CAMSAP1: variants seen among roughly 807,000 people sequenced by gnomAD.
CAMSAP1 encodes the protein calmodulin regulated spectrin associated protein 1.
In CAMSAP1, 58 loss-of-function variants were observed where a neutral mutation model predicts 143.5. That is an observed-to-expected ratio of 0.40 (90% confidence interval 0.33 to 0.50). The LOEUF is 0.50. CAMSAP1 is among the 20% of genes least tolerant of loss of function. CAMSAP1 has a pLI of 0.45. For missense variants in CAMSAP1, 1,969 were observed against 2,115.7 expected, an observed-to-expected ratio of 0.93 and a Z score of 1.36; for synonymous variants, 945 against 859.3, an observed-to-expected ratio of 1.10 and a Z score of -1.74.
At chr9:135,874,478 A>AAAG (rs534724683) in intron 3 of CAMSAP1, among the ~76,000 whole-genome samples, 9 of 98,248 alleles carry the variant, frequency 9.2e-5, no homozygotes, top group African/African-American at 3.8e-4. Flanking sequence ...GTCTCAAAAA[A>AAAG]GGGGGGGGGG....
rs916230911 is a variant in CAMSAP1, at chr9:135,907,431, G to GGCGGGC, written c.-278_-273dup. On this transcript the variant is annotated 5_prime_UTR_variant, in exon 1 of 17. Transcript: ENST00000389532. ...CAGGAGGGCGCGGGCCGGGGGCGGG[G>GGCGGGC]GCGGGCGCGGGGGCGGGAGCGGGCC... Among the ~76,000 whole-genome samples, 1 of 146,232 alleles carries GGCGGGC rather than the reference G, an allele frequency of 6.8e-6. No homozygotes were observed. The highest frequency in any genetic ancestry group is 2.1e-4 in the South Asian group (1 of 4,806).
At chr9:135,823,867 A>AG in intron 10 of CAMSAP1, 83 bp downstream of exon 10, 1 of 1,049,744 alleles carries the variant, frequency 9.5e-7, no homozygotes. Flanking sequence ...GGTGATCCTC[A>AG]GGGGGTTGGG....
At chr9:135,878,519 C>G (rs1837827109) in intron 3 of CAMSAP1, among the ~76,000 whole-genome samples, 1 of 152,200 alleles carries the variant, frequency 6.6e-6, no homozygotes, top group South Asian at 2.1e-4. Context: ...AGAATTGATG[C>G]TGGAGAAAAA....
At chr9:135,843,455 G>A (rs1265484206) in intron 7 of CAMSAP1, among the ~76,000 whole-genome samples, 1 of 152,114 alleles carries the variant, frequency 6.6e-6, no homozygotes, top group Admixed American at 6.5e-5. Flanking sequence ...CATTTACCAA[G>A]CAAATGGAAA....
chr9:135,849,878 C>A, intron 7 of CAMSAP1: 3 of 305,976 alleles, frequency 9.8e-6, no homozygotes, highest in Non-Finnish European at 1.2e-5. Context: ...TCAGTTTGTT[C>A]ATTCTGGAGG....
intron 7 of CAMSAP1, among the ~76,000 whole-genome samples, chr9:135,848,522 C>T (rs1393847408): frequency 2.0e-5 from 3 of 152,066 alleles, no homozygotes; most frequent in Admixed American, 6.6e-5. Context: ...CACACACACA[C>T]GCTCACACAT....
At chr9:135,876,065 C>T (rs184390416) in intron 3 of CAMSAP1, among the ~76,000 whole-genome samples, 279 of 152,340 alleles carry the variant, frequency 1.8e-3, no homozygotes, top group Admixed American at 5.3e-3. Context: ...AAGTGATTCT[C>T]CTGCCTCAGC....
intron 1 of CAMSAP1, among the ~76,000 whole-genome samples, chr9:135,890,800 GT>G (rs1838267725): frequency 6.6e-6 from 1 of 152,212 alleles, no homozygotes; most frequent in Non-Finnish European, 1.5e-5. Flanking sequence ...ACAATGGTCA[GT>G]TAAGCAAAAT....
intron 7 of CAMSAP1, among the ~76,000 whole-genome samples, chr9:135,828,996 G>A (rs182483102): frequency 7.9e-5 from 12 of 152,214 alleles, no homozygotes; most frequent in Non-Finnish European, 1.6e-4. Context: ...AAACATTCCC[G>A]GACAAACAAA....
chr9:135,835,368 C>T (rs1258115058), intron 7 of CAMSAP1, among the ~76,000 whole-genome samples: 1 of 152,148 alleles, frequency 6.6e-6, no homozygotes, highest in African/African-American at 2.4e-5. Context: ...GGCGGGGAAG[C>T]AATCACCATG....
chr9:135,893,095 A>C (rs1446521971), intron 1 of CAMSAP1, among the ~76,000 whole-genome samples: 1 of 151,802 alleles, frequency 6.6e-6, no homozygotes, highest in Admixed American at 6.6e-5. Context: ...ACTTGAGCCC[A>C]GGAGTTCAAG....
At position 135,827,438 on chromosome 9, in the gene CAMSAP1, G is replaced by A. The variant is rs752796395; in HGVS notation, c.1192C>T (p.His398Tyr). 3.8e-6 allele frequency: 6 copies of A among 1,591,724 alleles called. No homozygotes were observed. The highest frequency in any genetic ancestry group is 5.2e-6 in the Non-Finnish European group (6 of 1,163,336). The change falls in exon 8 of 17, where the codon CAC becomes TAC. Residue 398 changes from histidine (H) to tyrosine (Y), a missense_variant. Around this residue, in one of 4 missense-constraint regions of CAMSAP1, gnomAD observed 1,390 missense variants for 1,420.8 expected, o/e 0.98. Transcript: ENST00000389532. ...TCAGGTTCTTCCGGGTGCAGGTAGT[G>A]CCTGTGACAGCCTTCCGCCGGCAGC... ...VQLPAEGCHRHYLHPEEPEYL... is the reference protein window; with the variant it reads ...VQLPAEGCHRYYLHPEEPEYL...
rs779817410 is a variant in CAMSAP1 at position 135,818,996 on chromosome 9, G to C, written c.3959+14C>G. 3 of 1,603,306 alleles carry C rather than the reference G, an allele frequency of 1.9e-6. No individual in the cohort carries two copies. Among genetic ancestry groups the C allele is most frequent in the Admixed American group, 1.7e-5 (1 of 59,712 alleles). On this transcript the variant is annotated intron_variant, in intron 12 of 16. Transcript: ENST00000389532. This position sits in a 1 kb window ranked among gnomAD's most constrained non-coding sequence, Gnocchi z 7.7. ...TCCTGCTCAGTCTGCTTTCCCCCCC[G>C]GCGGGACGCTTACCGGGCTTCGTCA... is the stretch of plus-strand genomic sequence containing the variant.
chr9:135,904,829 G>A (rs148572220), intron 1 of CAMSAP1, among the ~76,000 whole-genome samples: 5,160 of 152,286 alleles, frequency 0.034, 146 homozygotes, highest in South Asian at 0.1. Flanking sequence ...GCCGGGAGTG[G>A]GGGCGCACGC....
intron 5 of CAMSAP1, among the ~76,000 whole-genome samples, chr9:135,858,889 GGAGA>G (rs1445307114): frequency 1.3e-5 from 2 of 152,210 alleles, no homozygotes; most frequent in Non-Finnish European, 2.9e-5. Context: ...ACTCAGTAAG[GGAGA>G]GAGAGCAGAG....
rs151297742 is a variant in CAMSAP1, at chr9:135,892,623, C to T, written c.161-9545G>A. On this transcript the variant is annotated intron_variant, in intron 1 of 16. Transcript: ENST00000389532. ...ATCCCAGCACTTTGGGAGGCCAAGG[C>T]GGGTGGATCACGAGGTCAGGAGTTG... Among the ~76,000 whole-genome samples, 1,006 of 151,794 alleles carry T rather than the reference C, an allele frequency of 6.6e-3. 6 individuals carry two copies. Among genetic ancestry groups the T allele is most frequent in the African/African-American group, 0.022 (921 of 41,374 alleles).
intron 1 of CAMSAP1, among the ~76,000 whole-genome samples, chr9:135,894,191 C>T (rs939103836): frequency 6.6e-6 from 1 of 152,160 alleles, no homozygotes; most frequent in Non-Finnish European, 1.5e-5. Flanking sequence ...GAAGCACTCT[C>T]CTTCCCCATC....
At chr9:135,831,084 A>G (rs1229392442) in intron 7 of CAMSAP1, among the ~76,000 whole-genome samples, 1 of 152,322 alleles carries the variant, frequency 6.6e-6, no homozygotes, top group South Asian at 2.1e-4. Context: ...AGGCAGGAGA[A>G]TCGCTTGAAC....
In CAMSAP1 at chr9:135,857,892, C is replaced by T. The variant is rs115526073; in HGVS notation, c.808+4575G>A. Among the ~76,000 whole-genome samples, 1,287 of 152,326 alleles carry T rather than the reference C, an allele frequency of 8.4e-3. 26 individuals carry two copies. The highest frequency in any genetic ancestry group is 0.029 in the African/African-American group (1,226 of 41,576). On this transcript the variant is annotated intron_variant, in intron 5 of 16. Coordinates refer to ENST00000389532, the MANE Select transcript of CAMSAP1 (RefSeq NM_015447.4). ...TGATTTCAGTGTCACCTCATCCCTA[C>T]CTGCACCTGGGGTCTGAGGCTAGAG... is the stretch of plus-strand genomic sequence containing the variant.
Sources: allele counts gnomAD v4.1 joint callset (sites outside exome capture counted in the v4.1 genomes callset), GRCh38; gene constraint gnomAD v4.1.1; regional missense constraint gnomAD v4.1.1; non-coding constraint Gnocchi (gnomAD v3.1); transcripts MANE v1.5; gene names NCBI Gene and HGNC (gene_info 2026-07-23, HGNC 2026-07-21).